Variants in ATG7 observed in about 807,000 individuals in gnomAD.
The protein encoded by ATG7 is ubiquitin-like modifier-activating enzyme ATG7.
Under a neutral mutation model 82.4 loss-of-function variants are expected in ATG7, and 70 were observed. The observed-to-expected ratio is 0.85, with a 90% confidence interval of 0.70 to 1.04. The LOEUF (loss-of-function observed/expected upper bound fraction) is 1.04. Among genes scored for constraint, ATG7 ranks in the 50% least tolerant of loss-of-function variants. The pLI is 0.00. For synonymous variants in ATG7, 287 were observed against 313.0 expected, an observed-to-expected ratio of 0.92 and a Z score of 0.88; for missense variants, 792 against 864.3, an observed-to-expected ratio of 0.92 and a Z score of 1.05.
chr3:11,398,292 T>C (rs75170019), intron 19 of ATG7, among the ~76,000 whole-genome samples: 12,890 of 152,080 alleles, frequency 0.085, 1,689 homozygotes, highest in African/African-American at 0.28. Flanking sequence ...AGCACACACA[T>C]AATATTTTAC....
Position 11,554,898 on chromosome 3 carries a change from A to G in ATG7, c.*55A>G, listed in dbSNP as rs545887074. 29 of 1,595,790 alleles carry G rather than the reference A, an allele frequency of 1.8e-5. No individual in the cohort carries two copies. The African/African-American group carries it at 3.5e-4, about 19-fold the overall frequency. ...CCGGCCGCCTGCTGAGGAGCTCTCC[A>G]TCGCCAGAGCAGGACTGCTGACCCC... On this transcript the variant is annotated 3_prime_UTR_variant, in exon 21 of 21. Transcript: ENST00000693202.
intron 14 of ATG7, among the ~76,000 whole-genome samples, chr3:11,351,399 G>T (rs1344539204): frequency 6.6e-6 from 1 of 152,208 alleles, no homozygotes. Context: ...TAGCTAGATT[G>T]AGGGTAGCAG....
chr3:11,448,782 G>GT (rs948489697), intron 20 of ATG7, among the ~76,000 whole-genome samples: 7 of 152,294 alleles, frequency 4.6e-5, no homozygotes, highest in African/African-American at 1.7e-4. Context: ...GGGCAGTGGG[G>GT]TGGGTAAGGG....
At chr3:11,321,636 C>T (rs528637919) in intron 9 of ATG7, among the ~76,000 whole-genome samples, 1 of 152,222 alleles carries the variant, frequency 6.6e-6, no homozygotes, top group South Asian at 2.1e-4. Context: ...GCTCAGCTCA[C>T]AATGTGTTGG....
intron 20 of ATG7, among the ~76,000 whole-genome samples, chr3:11,518,793 A>C (rs2092355052): frequency 6.6e-6 from 1 of 152,218 alleles, no homozygotes; most frequent in African/African-American, 2.4e-5. Flanking sequence ...GTGTACTTTT[A>C]AGAGAATAAC....
intron 20 of ATG7, among the ~76,000 whole-genome samples, chr3:11,551,747 T>C (rs978002411): frequency 7.8e-5 from 11 of 140,540 alleles, no homozygotes; most frequent in African/African-American, 3.1e-4. Flanking sequence ...TGGGTTCTTT[T>C]CTTTTCTTTT....
intron 20 of ATG7, among the ~76,000 whole-genome samples, chr3:11,484,754 T>C (rs2089432634): frequency 1.3e-5 from 2 of 152,176 alleles, no homozygotes; most frequent in Admixed American, 1.3e-4. Flanking sequence ...CCATGTGTTG[T>C]CATTGTTCAA....
At chr3:11,369,627 T>A (rs1393338930) in intron 18 of ATG7, among the ~76,000 whole-genome samples, 4 of 151,088 alleles carry the variant, frequency 2.6e-5, no homozygotes, top group Non-Finnish European at 5.9e-5. Flanking sequence ...CAAGGAAGGA[T>A]CCGGGTATAG....
intron 19 of ATG7, among the ~76,000 whole-genome samples, chr3:11,407,980 A>T (rs1429003020): frequency 1.3e-5 from 2 of 152,118 alleles, no homozygotes; most frequent in African/African-American, 4.8e-5. Context: ...ACTTAAGCAA[A>T]CTTCTGCAGC....
At chr3:11,509,150 C>G (rs776860885) in intron 20 of ATG7, among the ~76,000 whole-genome samples, 5 of 151,914 alleles carry the variant, frequency 3.3e-5, no homozygotes, top group Non-Finnish European at 7.4e-5. Context: ...TTTTTCTTTC[C>G]AAGTTAGTTA....
At chr3:11,373,657 G>A (rs1559492279) in intron 18 of ATG7, among the ~76,000 whole-genome samples, 1 of 152,150 alleles carries the variant, frequency 6.6e-6, no homozygotes, top group Non-Finnish European at 1.5e-5. Context: ...CCCAAGCAAA[G>A]GACAAATCTT....
intron 17 of ATG7, 119 bp downstream of exon 17, chr3:11,363,047 C>G: frequency 1.1e-6 from 1 of 880,938 alleles, no homozygotes; most frequent in Non-Finnish European, 1.7e-6. Context: ...ATTTCACCCT[C>G]AAAAAAACAA....
chr3:11,571,686 C>T, the ATG7 span, among the ~76,000 whole-genome samples: 1 of 152,138 alleles, frequency 6.6e-6, no homozygotes, highest in Admixed American at 6.5e-5. Flanking sequence ...AAATAAAATA[C>T]TCCCCACAAA....
chr3:11,285,249 G>A (rs529752974), intron 3 of ATG7, among the ~76,000 whole-genome samples: 3 of 145,630 alleles, frequency 2.1e-5, no homozygotes, highest in African/African-American at 5.1e-5. Context: ...GCACAATCAC[G>A]GCTCACTGCA....
At chr3:11,542,466 T>C (rs2070910274) in intron 20 of ATG7, among the ~76,000 whole-genome samples, 1 of 152,126 alleles carries the variant, frequency 6.6e-6, no homozygotes, top group Non-Finnish European at 1.5e-5. Context: ...TTGGCAGGTT[T>C]CATATTTGCT....
At chr3:11,352,313 T>C (rs930041697) in intron 14 of ATG7, among the ~76,000 whole-genome samples, 3 of 152,176 alleles carry the variant, frequency 2.0e-5, no homozygotes, top group Admixed American at 1.3e-4. Context: ...AATAAACATA[T>C]GTGTGCATGT....
At chr3:11,558,376 G>T, downstream of ATG7, 1 of 1,034,000 alleles carries the variant, frequency 9.7e-7, no homozygotes, top group Non-Finnish European at 1.4e-6. Flanking sequence ...GGGCCCCCTT[G>T]TACGGATACC....
chr3:11,558,482 T>TTTTTTTAAGTACTGACTGTTCAA, downstream of ATG7: 2 of 1,476,652 alleles, frequency 1.4e-6, no homozygotes. Flanking sequence ...ATGATTTTTT[T>TTTTTTTAAGTACTGACTGTTCAA]TTTTTTAAGT....
At chr3:11,442,624 G>C (rs1369786251) in intron 20 of ATG7, among the ~76,000 whole-genome samples, 1 of 151,282 alleles carries the variant, frequency 6.6e-6, no homozygotes, top group Non-Finnish European at 1.5e-5. Flanking sequence ...TTTAGGGCCA[G>C]GTGCGTGGGA....
Sources: gnomAD v4.1 joint callset for allele counts (sites outside exome capture counted in the v4.1 genomes callset) on GRCh38, gnomAD v4.1.1 for gene constraint, MANE v1.5 for transcripts, NCBI Gene and HGNC (gene_info 2026-07-23, HGNC 2026-07-21) for gene names.